The following GNA12 variants were observed in gnomAD, a reference collection of about 807,000 sequenced individuals.
GNA12 encodes guanine nucleotide-binding protein subunit alpha-12.
Under a neutral mutation model 26.0 loss-of-function variants are expected in GNA12, and 9 were observed. The ratio of observed to expected loss-of-function variants is 0.35; its 90% CI spans 0.21 to 0.60. The LOEUF (loss-of-function observed/expected upper bound fraction) is 0.60. Ranked by LOEUF, GNA12 falls within the 20% of genes least tolerant of loss-of-function variation. GNA12 has a pLI of 0.78. For missense variants in GNA12, 405 were observed against 525.8 expected, an observed-to-expected ratio of 0.77 and a Z score of 2.25; for synonymous variants, 264 against 219.6, an observed-to-expected ratio of 1.20 and a Z score of -1.79.
At chr7:2,733,746 G>A (rs560681555) in intron 2 of GNA12, among the ~76,000 whole-genome samples, 1 of 152,194 alleles carries the variant, frequency 6.6e-6, no homozygotes, top group South Asian at 2.1e-4. Context: ...TTCAATTTTC[G>A]CTGCTGGGTT....
intron 2 of GNA12, among the ~76,000 whole-genome samples, chr7:2,754,012 T>A (rs910321053): frequency 1.3e-5 from 2 of 152,226 alleles, no homozygotes; most frequent in Non-Finnish European, 2.9e-5. Flanking sequence ...AGAATCTACA[T>A]CTAAACCCTT....
At chr7:2,777,469 A>G (rs1301420786) in intron 2 of GNA12, among the ~76,000 whole-genome samples, 1 of 152,212 alleles carries the variant, frequency 6.6e-6, no homozygotes, top group Non-Finnish European at 1.5e-5. Flanking sequence ...GCCTCCCCAA[A>G]TTCCTATCCC....
intron 1 of GNA12, among the ~76,000 whole-genome samples, chr7:2,805,993 A>C (rs1488080251): frequency 6.6e-6 from 1 of 152,248 alleles, no homozygotes. Context: ...TTTTGTTTAT[A>C]CTGATTACAT....
chr7:2,744,368 C>T (rs1383095234), intron 2 of GNA12, among the ~76,000 whole-genome samples: 3 of 152,116 alleles, frequency 2.0e-5, no homozygotes, highest in Non-Finnish European at 4.4e-5. Context: ...CACCAATATC[C>T]GCTGTTCTGC....
intron 2 of GNA12, chr7:2,794,654 G>A (rs925802508): frequency 2.3e-5 from 10 of 436,120 alleles, no homozygotes; most frequent in African/African-American, 1.2e-4. Flanking sequence ...TAAATTTCTC[G>A]GGTTGTGCCA....
Position 2,731,313 on chromosome 7 carries a change from C to T in GNA12, c.1014G>A (p.Lys338=). ...AGAGTGGCTTGCTGCGGTTCCGTCT[C>T]TTCCTGTCGAAGCACTGGACCAGGT... ...QRYLVQCFDR[K]RRNRSKPLFH... is the part of the protein sequence containing the mutation. Residue 338 remains lysine, a synonymous_variant, in exon 4 of 4, where the codon AAG becomes AAA. Coordinates refer to ENST00000275364, the MANE Select transcript of GNA12 (RefSeq NM_007353.3). The surrounding 1 kb of genome is among the most constrained non-coding windows in gnomAD (Gnocchi z 6.0). The T allele has an allele frequency of 1.9e-6, 3 of 1,614,004 alleles. No individual in the cohort carries two copies. The highest frequency in any genetic ancestry group is 1.1e-5 in the South Asian group (1 of 91,054).
chr7:2,804,690 C>T (rs1194967131), intron 1 of GNA12, among the ~76,000 whole-genome samples: 1 of 152,160 alleles, frequency 6.6e-6, no homozygotes, highest in Admixed American at 6.6e-5. Flanking sequence ...TTGGCCCATT[C>T]GTTGGGGCCA....
In GNA12 at chr7:2,779,810, C is replaced by G. The variant is rs563580277; in HGVS notation, c.525+15118G>C. Among the ~76,000 whole-genome samples, 665 of 151,822 alleles carry G rather than the reference C, an allele frequency of 4.4e-3. 1 individual carries two copies. Among genetic ancestry groups the G allele is most frequent in the Non-Finnish European group, 7.4e-3 (502 of 67,948 alleles). On this transcript the variant is annotated intron_variant, in intron 2 of 3. Coordinates refer to ENST00000275364, the MANE Select transcript of GNA12 (RefSeq NM_007353.3). ...ATGGGGTTCTGCTGTGTTGGCCAGG[C>G]TAGTCTCAAACTCCTGGCCTCATGT... is the stretch of plus-strand genomic sequence containing the variant.
Position 2,730,941 on chromosome 7 carries a change from C to T in GNA12, c.*240G>A. The T allele has an allele frequency of 2.0e-6, 1 of 511,084 alleles. No homozygotes were observed. The highest frequency in any genetic ancestry group is 3.5e-6 in the Non-Finnish European group (1 of 283,348). The allele number at this position is 511,084 out of a possible 1,614,324, so 31.7% of individuals were successfully genotyped here. ...ATTAGGTGTTCCGTATTCACAACAT[C>T]ATCACTCGGATTTTCAGTAGTTTCA... On this transcript the variant is annotated 3_prime_UTR_variant, in exon 4 of 4. Transcript: ENST00000275364.
At chr7:2,843,346 A>G (rs1197752410) in intron 1 of GNA12, among the ~76,000 whole-genome samples, 1 of 152,062 alleles carries the variant, frequency 6.6e-6, no homozygotes, top group African/African-American at 2.4e-5. Flanking sequence ...CAGGCACCCT[A>G]GAGAGGGCAG....
At chr7:2,783,079 G>C (rs1222381096) in intron 2 of GNA12, among the ~76,000 whole-genome samples, 4 of 152,304 alleles carry the variant, frequency 2.6e-5, no homozygotes, top group African/African-American at 9.6e-5. Context: ...AATATCTGAA[G>C]CATGTAGGTC....
At chr7:2,750,951 G>A (rs1791005605) in intron 2 of GNA12, among the ~76,000 whole-genome samples, 1 of 152,156 alleles carries the variant, frequency 6.6e-6, no homozygotes, top group Admixed American at 6.5e-5. Flanking sequence ...TCCAGGAGTG[G>A]TACCCAGACA....
At chr7:2,805,495 G>A (rs553618693) in intron 1 of GNA12, among the ~76,000 whole-genome samples, 2 of 152,216 alleles carry the variant, frequency 1.3e-5, no homozygotes, top group East Asian at 3.9e-4. Context: ...CCTTGACCGC[G>A]CGGGCTCAAG....
intron 2 of GNA12, among the ~76,000 whole-genome samples, chr7:2,737,269 G>GTTTTTTTTTTTTTTTTTTCTTTTTTTT (rs1317020597): frequency 2.6e-5 from 1 of 38,112 alleles, no homozygotes; most frequent in Non-Finnish European, 5.4e-5. Context: ...TCACAGTTTT[G>GTTTTTTTTTTTTTTTTTTCTTTTTTTT]TTTTGTTTTT....
chr7:2,769,662 G>A (rs1484775528), intron 2 of GNA12, among the ~76,000 whole-genome samples: 1 of 152,086 alleles, frequency 6.6e-6, no homozygotes, highest in Non-Finnish European at 1.5e-5. Context: ...GAACCCGGGA[G>A]GTGGAGCTTG....
At chr7:2,778,713 C>T (rs1792140495) in intron 2 of GNA12, among the ~76,000 whole-genome samples, 2 of 152,228 alleles carry the variant, frequency 1.3e-5, no homozygotes, top group Admixed American at 1.3e-4. Flanking sequence ...GATGTTTTCA[C>T]ATCTCTCAGA....
chr7:2,778,046 C>T (rs538996566), intron 2 of GNA12, among the ~76,000 whole-genome samples: 3 of 152,144 alleles, frequency 2.0e-5, no homozygotes, highest in South Asian at 2.1e-4. Context: ...GGAATGTCTC[C>T]GAGGAAATGC....
chr7:2,753,281 G>C lies in GNA12; in HGVS notation c.526-19780C>G, dbSNP rs547270133. ...TGATCCTCCTGCCTCAGCCTCCCAA[G>C]TAGCTGGGACTATAGGTGCATGCCA... On this transcript the variant is annotated intron_variant, in intron 2 of 3. Coordinates refer to ENST00000275364, the MANE Select transcript of GNA12 (RefSeq NM_007353.3). Among the ~76,000 whole-genome samples the C allele has an allele frequency of 8.5e-5, 13 of 152,150 alleles. No homozygotes were observed. The East Asian group carries it at 2.5e-3, about 29-fold the overall frequency.
At chr7:2,839,969 G>T (rs910896344) in intron 1 of GNA12, among the ~76,000 whole-genome samples, 4 of 152,190 alleles carry the variant, frequency 2.6e-5, no homozygotes, top group African/African-American at 9.7e-5. Context: ...CTGCACTCCA[G>T]CCTGGGCGAC....
Sources: allele counts gnomAD v4.1 joint callset (sites outside exome capture counted in the v4.1 genomes callset), GRCh38; gene constraint gnomAD v4.1.1; non-coding constraint Gnocchi (gnomAD v3.1); transcripts MANE v1.5; gene names NCBI Gene and HGNC (gene_info 2026-07-23, HGNC 2026-07-21).